TSHZ2: variants seen among roughly 807,000 people sequenced by gnomAD.
TSHZ2 encodes the protein teashirt homolog 2.
A neutral mutation model predicts 74.4 loss-of-function variants in TSHZ2; 21 were observed. That is an observed-to-expected ratio of 0.28 (90% CI 0.20 to 0.41). The LOEUF is 0.41. TSHZ2 is among the 10% of genes least tolerant of loss of function. The pLI, the probability that TSHZ2 is intolerant of heterozygous loss-of-function variation, is 1.00. For missense variants in TSHZ2, 1,244 were observed against 1,293.5 expected, an observed-to-expected ratio of 0.96 and a Z score of 0.59; for synonymous variants, 540 against 515.3, an observed-to-expected ratio of 1.05 and a Z score of -0.65.
chr20:53,144,734 T>C (rs1987496186), intron 1 of TSHZ2, among the ~76,000 whole-genome samples: 1 of 152,132 alleles, frequency 6.6e-6, no homozygotes. Context: ...CTCCAAATAC[T>C]ATATATACTA....
chr20:53,167,358 A>G (rs972050357), intron 1 of TSHZ2, among the ~76,000 whole-genome samples: 1 of 152,216 alleles, frequency 6.6e-6, no homozygotes, highest in Admixed American at 6.5e-5. Flanking sequence ...TAAGGTAGAC[A>G]TTATTTTCAC....
chr20:53,413,046 T>C (rs551875721), intron 2 of TSHZ2: 2 of 152,232 alleles, frequency 1.3e-5, no homozygotes, highest in Non-Finnish European at 2.9e-5. Context: ...GGATTCCTGA[T>C]CCCAGGAACC....
chr20:53,211,582 C>T (rs1168290253), intron 1 of TSHZ2, among the ~76,000 whole-genome samples: 4 of 151,868 alleles, frequency 2.6e-5, no homozygotes, highest in African/African-American at 4.8e-5. Flanking sequence ...GCCACACAGT[C>T]GCTCCTACCT....
intron 2 of TSHZ2, among the ~76,000 whole-genome samples, chr20:53,481,089 A>G (rs1432624680): frequency 6.6e-6 from 1 of 152,026 alleles, no homozygotes; most frequent in Non-Finnish European, 1.5e-5. Context: ...ACCATTTGAG[A>G]GGCAACTAAC....
At chr20:53,192,607 G>A (rs539064770) in intron 1 of TSHZ2, among the ~76,000 whole-genome samples, 13 of 151,710 alleles carry the variant, frequency 8.6e-5, no homozygotes, top group African/African-American at 2.7e-4. Flanking sequence ...TGAATTGGCT[G>A]CCCAGAGAAG....
chr20:53,082,965 T>C (rs1985582754), intron 1 of TSHZ2, among the ~76,000 whole-genome samples: 1 of 152,210 alleles, frequency 6.6e-6, no homozygotes, highest in Non-Finnish European at 1.5e-5. Flanking sequence ...GGCCAGAGCC[T>C]TGACACTTAG....
intron 2 of TSHZ2, among the ~76,000 whole-genome samples, chr20:53,429,665 A>G (rs189683998): frequency 1.3e-5 from 2 of 152,302 alleles, no homozygotes; most frequent in African/African-American, 4.8e-5. Context: ...TAGCGTGAAA[A>G]CAGACTAATA....
chr20:53,041,711 C>A (rs1984047248), intron 1 of TSHZ2, among the ~76,000 whole-genome samples: 1 of 152,226 alleles, frequency 6.6e-6, no homozygotes. Context: ...AGAAGTTAAG[C>A]TGGCCAAAAG....
chr20:53,352,169 CAA>C (rs1980667897), intron 2 of TSHZ2, among the ~76,000 whole-genome samples: 2 of 149,578 alleles, frequency 1.3e-5, no homozygotes, highest in African/African-American at 4.9e-5. Context: ...CCACCATGTG[CAA>C]AGTTTGGTTG....
intron 1 of TSHZ2, among the ~76,000 whole-genome samples, chr20:53,034,505 T>C (rs1983750944): frequency 6.6e-6 from 1 of 152,202 alleles, no homozygotes; most frequent in Non-Finnish European, 1.5e-5. Flanking sequence ...GTGGGCAGGC[T>C]GGACAATAAA....
intron 1 of TSHZ2, among the ~76,000 whole-genome samples, chr20:53,076,518 A>G (rs1301884270): frequency 1.3e-5 from 2 of 152,188 alleles, no homozygotes; most frequent in African/African-American, 4.8e-5. Context: ...GCTTAATACT[A>G]TGAAAGGACT....
intron 1 of TSHZ2, among the ~76,000 whole-genome samples, chr20:53,252,274 G>C (rs1403870693): frequency 1.3e-5 from 2 of 152,176 alleles, no homozygotes; most frequent in African/African-American, 4.8e-5. Flanking sequence ...CCTTTTCCAA[G>C]CTTTGTCCTT....
intron 2 of TSHZ2, among the ~76,000 whole-genome samples, chr20:53,479,227 T>G (rs1396942434): frequency 1.3e-5 from 2 of 150,726 alleles, no homozygotes; most frequent in African/African-American, 2.4e-5. Flanking sequence ...AGAACAGGGC[T>G]TCTCAAACTC....
At chr20:52,978,863 G>C (rs1290173450) in intron 1 of TSHZ2, among the ~76,000 whole-genome samples, 1 of 152,068 alleles carries the variant, frequency 6.6e-6, no homozygotes, top group African/African-American at 2.4e-5. Context: ...CTGTAATCAG[G>C]GAGAGCTTAT....
In TSHZ2 at chr20:53,255,600, C is replaced by G. The variant is rs776174668; in HGVS notation, c.2142C>G (p.Arg714=). The part of the protein sequence containing the change: ...NHLGKATEPL[R]SPSCSSPSSS... ...TGGGCAAAGCCACGGAGCCCTTGCG[C>G]TCACCTTCCTGCTCCAGCCCAAGTT... Residue 714 remains arginine (R), a synonymous_variant, in exon 2 of 3, where the codon CGC becomes CGG. Transcript: ENST00000371497. This position sits in a 1 kb window ranked among gnomAD's most constrained non-coding sequence, Gnocchi z 4.1. The G allele has an allele frequency of 7.6e-6, 12 of 1,584,222 alleles. 1 individual carries two copies. In the South Asian group the frequency reaches 1.4e-4, roughly 19 times the overall value.
At chr20:53,446,185 A>G (rs1984534966) in intron 2 of TSHZ2, among the ~76,000 whole-genome samples, 1 of 152,126 alleles carries the variant, frequency 6.6e-6, no homozygotes, top group African/African-American at 2.4e-5. Flanking sequence ...TGCCATTGTT[A>G]TTACAACATA....
intron 2 of TSHZ2, among the ~76,000 whole-genome samples, chr20:53,333,985 A>G (rs967005785): frequency 1.1e-4 from 17 of 152,168 alleles, no homozygotes; most frequent in African/African-American, 4.1e-4. Flanking sequence ...TGCACATGAT[A>G]TTTGCAATGT....
At chr20:53,000,020 A>T (rs1347338649) in intron 1 of TSHZ2, among the ~76,000 whole-genome samples, 1 of 152,218 alleles carries the variant, frequency 6.6e-6, no homozygotes, top group Non-Finnish European at 1.5e-5. Context: ...GTTATGCTAA[A>T]CACTTATGAT....
intron 2 of TSHZ2, among the ~76,000 whole-genome samples, chr20:53,392,942 C>T (rs1215637044): frequency 2.0e-5 from 3 of 152,132 alleles, no homozygotes; most frequent in Non-Finnish European, 4.4e-5. Flanking sequence ...CAAGCAATTC[C>T]CCTGCCTCAA....
Sources: gnomAD v4.1 joint callset for allele counts (sites outside exome capture counted in the v4.1 genomes callset) on GRCh38, gnomAD v4.1.1 for gene constraint, Gnocchi (gnomAD v3.1) non-coding constraint, MANE v1.5 for transcripts, NCBI Gene and HGNC (gene_info 2026-07-23, HGNC 2026-07-21) for gene names.